FAM43A: variants seen among roughly 807,000 people sequenced by gnomAD.
FAM43A encodes protein FAM43A.
FAM43A carries 11 observed loss-of-function variants against 15.7 expected under a neutral mutation model. The observed-to-expected ratio is 0.70, with a 90% confidence interval of 0.44 to 1.16. The LOEUF is 1.16. FAM43A is among the 50% of genes most tolerant of loss of function. FAM43A has a pLI of 0.00. For missense variants in FAM43A, 573 were observed against 620.0 expected (o/e 0.92, Z 0.80); for synonymous variants, 319 against 291.7 (o/e 1.09, Z -0.96).
Position 194,687,480 on chromosome 3 carries a change from A to G in FAM43A, c.654A>G (p.Ala218=), listed in dbSNP as rs759357016. Residue 218 remains alanine, a synonymous_variant, in exon 1 of 1, where the codon GCA becomes GCG. Coordinates refer to ENST00000329759, the MANE Select transcript of FAM43A (RefSeq NM_153690.5). ...ARHQQQELVG[A]HTIPLVPLRK... Reference sequence around the variant, plus strand: ...ACCAGCAGCAGGAGCTGGTGGGCGCACACACCATCCCGCTAGTGCCGCTGC... The same window carrying G: ...ACCAGCAGCAGGAGCTGGTGGGCGCGCACACCATCCCGCTAGTGCCGCTGC... 1 of 1,537,816 alleles carries G rather than the reference A, an allele frequency of 6.5e-7. No individual in the cohort carries two copies. The highest frequency in any genetic ancestry group is 8.8e-7 in the Non-Finnish European group (1 of 1,138,498).
rs774927063 is a variant in FAM43A at position 194,687,092 on chromosome 3, C to T, written c.266C>T (p.Thr89Ile). ...TTIQARGDGC[T>I]DLAVGKIWSK... Reference sequence around the variant, plus strand: ...ATCCAGGCGCGCGGCGACGGCTGCACCGACCTTGCTGTGGGCAAGATCTGG... The same window carrying T: ...ATCCAGGCGCGCGGCGACGGCTGCATCGACCTTGCTGTGGGCAAGATCTGG... The change falls in exon 1 of 1, where the codon ACC becomes ATC. Residue 89 changes from threonine to isoleucine, a missense_variant. Transcript: ENST00000329759. 1.1e-5 allele frequency: 18 copies of T among 1,613,568 alleles called. No homozygotes were observed. Among genetic ancestry groups the T allele is most frequent in the African/African-American group, 2.7e-5 (2 of 74,942 alleles).
rs148446706 is a variant in FAM43A, at chr3:194,687,051, G to A, written c.225G>A (p.Leu75=). 47 of 1,613,286 alleles carry A rather than the reference G, an allele frequency of 2.9e-5. No homozygotes were observed. Among genetic ancestry groups the A allele is most frequent in the Non-Finnish European group, 1.7e-6 (2 of 1,179,660 alleles). The change falls in exon 1 of 1, where the codon CTG becomes CTA. Residue 75 remains leucine (L), a synonymous_variant. Coordinates refer to ENST00000329759, the MANE Select transcript of FAM43A (RefSeq NM_153690.5). The part of the protein sequence containing the change: ...SEDPTYTVLY[L]GNATTIQARG... ...ACCCAACTTACACCGTGCTCTACCTGGGCAATGCCACCACCATCCAGGCGC... is the reference window on the plus strand; with the variant it reads ...ACCCAACTTACACCGTGCTCTACCTAGGCAATGCCACCACCATCCAGGCGC...
chr3:194,686,239 C>T lies in FAM43A; in HGVS notation c.-588C>T, dbSNP rs1033041419. Among the ~76,000 whole-genome samples, 1 of 152,194 alleles carries T rather than the reference C, an allele frequency of 6.6e-6. No individual in the cohort carries two copies. The highest frequency in any genetic ancestry group is 6.5e-5 in the Admixed American group (1 of 15,282). ...GCTGCTGACTTGAGACCAGCCCAAA[C>T]GGGGGGCTTTCCATCTCCAGCACCC... On this transcript the variant is annotated 5_prime_UTR_variant, in exon 1 of 1. In the 5' UTR this introduces an upstream ATG that the reference lacks. Coordinates refer to ENST00000329759, the MANE Select transcript of FAM43A (RefSeq NM_153690.5).
rs1347849461 is a variant in FAM43A, at chr3:194,687,832, G to A, written c.1006G>A (p.Ala336Thr). Reference sequence around the variant, plus strand: ...CGGCGGGGGCTCCCTGGGCCCGGGGGCCGGGCCGCCGCCTCTGCTGCTGGG... The same window carrying A: ...CGGCGGGGGCTCCCTGGGCCCGGGGACCGGGCCGCCGCCTCTGCTGCTGGG... ...GGGGGSLGPG[A>T]GPPPLLLGSA... The change falls in exon 1 of 1, where the codon GCC becomes ACC. Residue 336 changes from alanine to threonine, a missense_variant. By Grantham distance (58) the Ala-to-Thr change is moderately conservative. Transcript: ENST00000329759. 4.1e-6 allele frequency: 6 copies of A among 1,447,102 alleles called. No individual in the cohort carries two copies. The highest frequency in any genetic ancestry group is 5.5e-6 in the Non-Finnish European group (6 of 1,098,018). 89.6% of individuals were successfully genotyped at this position (1,447,102 alleles called of 1,614,324 possible). A position where few individuals can be genotyped will look rare whatever the true frequency, so the allele number is the denominator to read the frequency against.
Position 194,688,130 on chromosome 3 carries a change from G to A in FAM43A, c.*32G>A. 1 of 1,316,800 alleles carries A rather than the reference G, an allele frequency of 7.6e-7. No individual in the cohort carries two copies. The highest frequency in any genetic ancestry group is 2.6e-5 in the South Asian group (1 of 38,378). 81.6% of individuals were successfully genotyped at this position (1,316,800 alleles called of 1,614,324 possible). A position where few individuals can be genotyped will look rare whatever the true frequency, so the allele number is the denominator to read the frequency against. Reference sequence around the variant, plus strand: ...CCGCGCGTCGCCGGCGCTCCACCGTGGCTACCCATCCGTGGTCCCGACAAC... The same window carrying A: ...CCGCGCGTCGCCGGCGCTCCACCGTAGCTACCCATCCGTGGTCCCGACAAC... On this transcript the variant is annotated 3_prime_UTR_variant, in exon 1 of 1. Transcript: ENST00000329759.
Position 194,687,836 on chromosome 3 carries a change from G to A in FAM43A, c.1010G>A (p.Gly337Glu). 1.4e-6 allele frequency: 2 copies of A among 1,448,066 alleles called. No individual in the cohort carries two copies. The highest frequency in any genetic ancestry group is 2.9e-5 in the Admixed American group (1 of 34,800). The allele number at this position is 1,448,066 out of a possible 1,614,324, so 89.7% of individuals were successfully genotyped here. The change falls in exon 1 of 1, where the codon GGG becomes GAG. Residue 337 changes from glycine to glutamate, a missense_variant. Transcript: ENST00000329759. ...GGGGSLGPGA[G>E]PPPLLLGSAS... ...GGGGGCTCCCTGGGCCCGGGGGCCG[G>A]GCCGCCGCCTCTGCTGCTGGGCAGC... is the stretch of plus-strand genomic sequence containing the variant.
chr3:194,687,675 G>T lies in FAM43A; in HGVS notation c.849G>T (p.Glu283Asp). 6.4e-7 allele frequency: 1 copy of T among 1,563,570 alleles called. No individual in the cohort carries two copies. The change falls in exon 1 of 1, where the codon GAG (glutamate) becomes GAT (aspartate). Residue 283 changes from glutamate (E) to aspartate (D), a missense_variant. Coordinates refer to ENST00000329759, the MANE Select transcript of FAM43A (RefSeq NM_153690.5). ...CCGAGGGCTGCCCGGAGGAGGAGGA[G>T]AACCGTGCGGCAGAGGGAGATCCAG... ...EQPEGCPEEE[E>D]NRAAEGDPAE...
Position 194,687,483 on chromosome 3 carries a change from C to A in FAM43A, c.657C>A (p.His219Gln). The change falls in exon 1 of 1, where the codon CAC becomes CAA. Residue 219 changes from histidine (H) to glutamine (Q), a missense_variant. Transcript: ENST00000329759. ...AGCAGCAGGAGCTGGTGGGCGCACA[C>A]ACCATCCCGCTAGTGCCGCTGCGCA... is the stretch of plus-strand genomic sequence containing the variant. ...RHQQQELVGA[H>Q]TIPLVPLRKL... The A allele has an allele frequency of 6.5e-7, 1 of 1,538,260 alleles. No individual in the cohort carries two copies. Among genetic ancestry groups the A allele is most frequent in the Non-Finnish European group, 8.8e-7 (1 of 1,138,782 alleles).
chr3:194,686,671 C>T lies in FAM43A; in HGVS notation c.-156C>T. ...GGGGTTCCTAAGCACTCTCTCTGCTCCCCTCCCCCCAACTCCCTACCACAG... is the reference window on the plus strand; with the variant it reads ...GGGGTTCCTAAGCACTCTCTCTGCTTCCCTCCCCCCAACTCCCTACCACAG... On this transcript the variant is annotated 5_prime_UTR_variant, in exon 1 of 1. Transcript: ENST00000329759. 3 of 629,230 alleles carry T rather than the reference C, an allele frequency of 4.8e-6. No individual in the cohort carries two copies. The highest frequency in any genetic ancestry group is 4.5e-5 in the Admixed American group (1 of 22,332). 39.0% of individuals were successfully genotyped at this position (629,230 alleles called of 1,614,324 possible). A position where few individuals can be genotyped will look rare whatever the true frequency, so the allele number is the denominator to read the frequency against.
In FAM43A at chr3:194,686,904, C is replaced by T; in HGVS notation, c.78C>T (p.Tyr26=). Residue 26 remains tyrosine (Y), a synonymous_variant, in exon 1 of 1, where the codon TAC becomes TAT. Transcript: ENST00000329759. ...GGCAGGCGTCCAAGCCCAAGGGCTACGCTGTGAGCCTGCACTACTCGGCGC... is the reference window on the plus strand; with the variant it reads ...GGCAGGCGTCCAAGCCCAAGGGCTATGCTGTGAGCCTGCACTACTCGGCGC... ...PPRQASKPKG[Y]AVSLHYSALS... The T allele has an allele frequency of 6.2e-7, 1 of 1,609,972 alleles. No homozygotes were observed. The highest frequency in any genetic ancestry group is 8.5e-7 in the Non-Finnish European group (1 of 1,178,582).
rs1417521251 is a variant in FAM43A at position 194,686,908 on chromosome 3, G to C, written c.82G>C (p.Val28Leu). The C allele has an allele frequency of 1.2e-6, 2 of 1,610,488 alleles. No homozygotes were observed. The highest frequency in any genetic ancestry group is 1.7e-6 in the Non-Finnish European group (2 of 1,178,822). The change falls in exon 1 of 1, where the codon GTG becomes CTG. Residue 28 changes from valine to leucine, a missense_variant. Transcript: ENST00000329759. ...GGCGTCCAAGCCCAAGGGCTACGCT[G>C]TGAGCCTGCACTACTCGGCGCTCAG... ...RQASKPKGYAVSLHYSALSSL... is the reference protein window; with the variant it reads ...RQASKPKGYALSLHYSALSSL...
At position 194,687,021 on chromosome 3, in the gene FAM43A, C is replaced by T. The variant is rs148231976; in HGVS notation, c.195C>T (p.Ser65=). Residue 65 remains serine (S), a synonymous_variant, in exon 1 of 1, where the codon AGC becomes AGT. Transcript: ENST00000329759. ...RSKRKKLHIT[S]EDPTYTVLYL... ...AGCGCAAGAAGCTGCACATCACTAGCGAGGACCCAACTTACACCGTGCTCT... is the reference window on the plus strand; with the variant it reads ...AGCGCAAGAAGCTGCACATCACTAGTGAGGACCCAACTTACACCGTGCTCT... The T allele has an allele frequency of 6.2e-7, 1 of 1,610,274 alleles. No homozygotes were observed. The highest frequency in any genetic ancestry group is 8.5e-7 in the Non-Finnish European group (1 of 1,177,270).
At position 194,686,568 on chromosome 3, in the gene FAM43A, G is replaced by T; in HGVS notation, c.-259G>T. ...CTGGGGTAATTCTGTGTGCGCGCGT[G>T]TCTCCCCCGCACCAACCTTTTTTGC... On this transcript the variant is annotated 5_prime_UTR_variant, in exon 1 of 1. Coordinates refer to ENST00000329759, the MANE Select transcript of FAM43A (RefSeq NM_153690.5). The T allele has an allele frequency of 2.9e-6, 1 of 340,532 alleles. No homozygotes were observed. The highest frequency in any genetic ancestry group is 2.1e-5 in the African/African-American group (1 of 46,558). The allele number at this position is 340,532 out of a possible 1,614,324, so 21.1% of individuals were successfully genotyped here.
At position 194,687,865 on chromosome 3, in the gene FAM43A, T is replaced by G. The variant is rs1284730694; in HGVS notation, c.1039T>G (p.Ser347Ala). 6.8e-6 allele frequency: 10 copies of G among 1,461,230 alleles called. No homozygotes were observed. The South Asian group carries it at 1.5e-4, about 21-fold the overall frequency. The allele number at this position is 1,461,230 out of a possible 1,614,324, so 90.5% of individuals were successfully genotyped here. ...GPPPLLLGSA[S>A]DMKAELSQLI... ...GCCGCCTCTGCTGCTGGGCAGCGCC[T>G]CCGACATGAAGGCTGAGCTGTCGCA... The change falls in exon 1 of 1, where the codon TCC becomes GCC. Residue 347 changes from serine (S) to alanine (A), a missense_variant. Ser to Ala is a moderately conservative substitution (Grantham distance 99). Transcript: ENST00000329759.
At position 194,688,318 on chromosome 3, in the gene FAM43A, GGA is replaced by G. The variant is rs577609750; in HGVS notation, c.*223_*224del. Reference sequence around the variant, plus strand: ...GGCTCTGTTGCGCGTGGGGATGCGGGGAGATTTGAGAGGGGAAAACCCCGCCA... The same window carrying G: ...GGCTCTGTTGCGCGTGGGGATGCGGGGATTTGAGAGGGGAAAACCCCGCCA... On this transcript the variant is annotated 3_prime_UTR_variant, in exon 1 of 1. Coordinates refer to ENST00000329759, the MANE Select transcript of FAM43A (RefSeq NM_153690.5). The G allele has an allele frequency of 4.4e-4, 210 of 476,612 alleles. No homozygotes were observed. The highest frequency in any genetic ancestry group is 6.9e-4 in the Non-Finnish European group (197 of 286,942). The allele number at this position is 476,612 out of a possible 1,614,324, so 29.5% of individuals were successfully genotyped here. A position where few individuals can be genotyped will look rare whatever the true frequency, so the allele number is the denominator to read the frequency against.
At position 194,685,889 on chromosome 3, in the gene FAM43A, G is replaced by T. The variant is rs1719404331; in HGVS notation, c.-938G>T. On this transcript the variant is annotated 5_prime_UTR_variant, in exon 1 of 1. It removes an upstream start codon present in the reference 5' UTR. Transcript: ENST00000329759. ...GATCTTCCTCCCGGACGGCAAGGATGTGAGGCAGGCGAGCCGGACGCCGCT... is the reference window on the plus strand; with the variant it reads ...GATCTTCCTCCCGGACGGCAAGGATTTGAGGCAGGCGAGCCGGACGCCGCT... Among the ~76,000 whole-genome samples the T allele has an allele frequency of 6.6e-6, 1 of 152,222 alleles. No individual in the cohort carries two copies. Among genetic ancestry groups the T allele is most frequent in the African/African-American group, 2.4e-5 (1 of 41,456 alleles).
Position 194,686,465 on chromosome 3 carries a change from T to G in FAM43A, c.-362T>G. The G allele has an allele frequency of 5.1e-6, 1 of 194,190 alleles. No individual in the cohort carries two copies. 12.0% of individuals were successfully genotyped at this position (194,190 alleles called of 1,614,324 possible). A position where few individuals can be genotyped will look rare whatever the true frequency, so the allele number is the denominator to read the frequency against. ...CGCGCTTCTAGCTTTTTTCCTGACATTTTCCACTCTACGCTCGTTCTTTCT... is the reference window on the plus strand; with the variant it reads ...CGCGCTTCTAGCTTTTTTCCTGACAGTTTCCACTCTACGCTCGTTCTTTCT... On this transcript the variant is annotated 5_prime_UTR_variant, in exon 1 of 1. Coordinates refer to ENST00000329759, the MANE Select transcript of FAM43A (RefSeq NM_153690.5).
rs750029279 is a variant in FAM43A at position 194,688,058 on chromosome 3, A to G, written c.1232A>G (p.Gln411Arg). ...GCCACCGCCGGGGACTCGTCCCGCC[A>G]GGCCGACGGCGCCAGTGCAGACGAG... ...TSATAGDSSR[Q>R]ADGASADEPH... is the part of the protein sequence containing the mutation. Residue 411 changes from glutamine to arginine, a missense_variant, in exon 1 of 1, where the codon CAG becomes CGG. Gln to Arg is a conservative substitution (Grantham distance 43). Coordinates refer to ENST00000329759, the MANE Select transcript of FAM43A (RefSeq NM_153690.5). The G allele has an allele frequency of 4.3e-6, 6 of 1,405,326 alleles. No individual in the cohort carries two copies. Among genetic ancestry groups the G allele is most frequent in the African/African-American group, 3.0e-5 (2 of 66,458 alleles). 87.1% of individuals were successfully genotyped at this position (1,405,326 alleles called of 1,614,324 possible). A position where few individuals can be genotyped will look rare whatever the true frequency, so the allele number is the denominator to read the frequency against.
chr3:194,687,931 G>T lies in FAM43A; in HGVS notation c.1105G>T (p.Val369Leu), dbSNP rs780119490. 6.8e-7 allele frequency: 1 copy of T among 1,460,042 alleles called. No homozygotes were observed. The highest frequency in any genetic ancestry group is 9.0e-7 in the Non-Finnish European group (1 of 1,106,046). 90.4% of individuals were successfully genotyped at this position (1,460,042 alleles called of 1,614,324 possible). ...GGGCGAGCTCAGCTTCGGCAACGAC[G>T]TGCGCACCCTGCAGGCCGACTTGCG... ...DLGELSFGND[V>L]RTLQADLRVT... Residue 369 changes from valine (V) to leucine (L), a missense_variant, in exon 1 of 1, where the codon GTG becomes TTG. Physicochemically the swap from Val to Leu is conservative, Grantham distance 32 (BLOSUM62 1). Coordinates refer to ENST00000329759, the MANE Select transcript of FAM43A (RefSeq NM_153690.5).
Sources: gnomAD v4.1 joint callset for allele counts (sites outside exome capture counted in the v4.1 genomes callset) on GRCh38, gnomAD v4.1.1 for gene constraint, MANE v1.5 for transcripts, NCBI Gene and HGNC (gene_info 2026-07-23, HGNC 2026-07-21) for gene names.